SHISAL2A: variants seen among roughly 807,000 people sequenced by gnomAD.
SHISAL2A encodes protein shisa-like-2A.
A neutral mutation model predicts 11.5 loss-of-function variants in SHISAL2A; 18 were observed. That is an observed-to-expected ratio of 1.57 (90% confidence interval 1.08 to 2.33). The LOEUF (loss-of-function observed/expected upper bound fraction) is 2.33. SHISAL2A is among the 30% of genes most tolerant of loss of function. SHISAL2A has a pLI of 0.00. For missense variants in SHISAL2A, 261 were observed against 250.9 expected (o/e 1.04, Z -0.27); for synonymous variants, 94 against 99.6 (o/e 0.94, Z 0.34).
intron 2 of SHISAL2A, among the ~76,000 whole-genome samples, chr1:52,644,832 G>A (rs1016345415): frequency 2.6e-5 from 4 of 151,756 alleles, no homozygotes; most frequent in Non-Finnish European, 4.4e-5. Context: ...CCTGGCTAAT[G>A]CGGTGAAAAC....
At chr1:52,660,536 C>G (rs189340109), downstream of SHISAL2A, among the ~76,000 whole-genome samples, 5 of 152,290 alleles carry the variant, frequency 3.3e-5, 1 homozygote, top group East Asian at 9.6e-4. Flanking sequence ...CATCGACCGG[C>G]AATTATTTCT....
chr1:52,646,386 A>G (rs895909020), intron 2 of SHISAL2A, among the ~76,000 whole-genome samples: 3 of 152,154 alleles, frequency 2.0e-5, no homozygotes, highest in African/African-American at 7.2e-5. Flanking sequence ...AATAAAGGAA[A>G]AGATTGGCAA....
intron 2 of SHISAL2A, among the ~76,000 whole-genome samples, chr1:52,652,965 CAAAAAAAAAAAAAAAAA>C (rs36154490): frequency 7.9e-3 from 178 of 22,400 alleles, no homozygotes; most frequent in African/African-American, 0.036. Flanking sequence ...GACTCTGTCT[CAAAAAAAAAAAAAAAAA>C]AAAAAAAAAA....
At chr1:52,643,077 G>A in intron 2 of SHISAL2A, 75 bp downstream of exon 2, 1 of 1,471,202 alleles carries the variant, frequency 6.8e-7, no homozygotes, top group South Asian at 1.2e-5. Flanking sequence ...ATGTAGAAAT[G>A]ATGTTTGGAA....
intron 4 of SHISAL2A, among the ~76,000 whole-genome samples, chr1:52,664,572 G>A (rs1160507876): frequency 6.6e-6 from 1 of 152,070 alleles, no homozygotes; most frequent in Non-Finnish European, 1.5e-5. Context: ...TGGTCAGGCT[G>A]GTCTCAAACT....
intron 4 of SHISAL2A, among the ~76,000 whole-genome samples, chr1:52,666,750 T>G (rs781012643): frequency 1.3e-5 from 2 of 151,782 alleles, no homozygotes; most frequent in African/African-American, 2.4e-5. Context: ...GCAAAAAGGG[T>G]CTTTACTGGA....
rs762333098 is a variant in SHISAL2A at position 52,656,813 on chromosome 1, T to C, written c.346T>C (p.Cys116Arg). 1.2e-6 allele frequency: 2 copies of C among 1,612,342 alleles called. No individual in the cohort carries two copies. Among genetic ancestry groups the C allele is most frequent in the Non-Finnish European group, 1.7e-6 (2 of 1,178,854 alleles). ...AGGCCCTGAGGAGGTTTCTCCTGACTGCCAAGGTGTGAACACAGGCATGGC... is the reference window on the plus strand; with the variant it reads ...AGGCCCTGAGGAGGTTTCTCCTGACCGCCAAGGTGTGAACACAGGCATGGC... The part of the protein sequence containing the change: ...TAGPEEVSPD[C>R]QGVNTGMAAE... Residue 116 changes from cysteine to arginine, a missense_variant, in exon 3 of 3, where the codon TGC becomes CGC. Physicochemically the swap from Cys to Arg is radical, Grantham distance 180. Transcript: ENST00000517870.
At chr1:52,659,719 G>A (rs1050212373), downstream of SHISAL2A, 5 of 152,262 alleles carry the variant, frequency 3.3e-5, no homozygotes, top group African/African-American at 1.2e-4. Flanking sequence ...GTGGGGCTGG[G>A]TGATATTGGG....
Position 52,633,227 on chromosome 1 carries a change from G to A in SHISAL2A, c.-267G>A, listed in dbSNP as rs1691165111. 1 of 294,046 alleles carries A rather than the reference G, an allele frequency of 3.4e-6. No homozygotes were observed. Among genetic ancestry groups the A allele is most frequent in the Non-Finnish European group, 6.2e-6 (1 of 160,662 alleles). 18.2% of individuals were successfully genotyped at this position (294,046 alleles called of 1,614,324 possible). ...CCCCGCGTCCGCTCCGGCTCCTGCC[G>A]CGTTCCAGCAGCCGTCACTCCCGCC... On this transcript the variant is annotated 5_prime_UTR_variant, in exon 1 of 3. Coordinates refer to ENST00000517870, the MANE Select transcript of SHISAL2A (RefSeq NM_001042693.3). The surrounding 1 kb of genome is among the most constrained non-coding windows in gnomAD (Gnocchi z 6.4).
downstream of SHISAL2A, among the ~76,000 whole-genome samples, chr1:52,660,310 C>G (rs138347697): frequency 1.5e-3 from 221 of 152,208 alleles, 3 homozygotes; most frequent in Admixed American, 2.5e-3. Context: ...CCTCATAAAG[C>G]CCCTCCCTGC....
At chr1:52,666,310 G>C (rs1692012942) in intron 4 of SHISAL2A, among the ~76,000 whole-genome samples, 1 of 152,040 alleles carries the variant, frequency 6.6e-6, no homozygotes, top group African/African-American at 2.4e-5. Context: ...AAATTAGCTG[G>C]GCGTGGTGGC....
At chr1:52,640,711 A>ATT (rs1691345727) in intron 1 of SHISAL2A, among the ~76,000 whole-genome samples, 1 of 151,978 alleles carries the variant, frequency 6.6e-6, no homozygotes, top group African/African-American at 2.4e-5. Context: ...TAGGAGCATC[A>ATT]TTTGTTCTAA....
At position 52,650,683 on chromosome 1, in the gene SHISAL2A, T is replaced by C. The variant is rs185213866; in HGVS notation, c.323-6107T>C. Among the ~76,000 whole-genome samples, 678 of 149,522 alleles carry C rather than the reference T, an allele frequency of 4.5e-3. 2 individuals carry two copies. The highest frequency in any genetic ancestry group is 0.014 in the Middle Eastern group (4 of 292). On this transcript the variant is annotated intron_variant, in intron 2 of 2. Coordinates refer to ENST00000517870, the MANE Select transcript of SHISAL2A (RefSeq NM_001042693.3). ...TTTTTGAGACAGAATCTCCCTCTGTTACCCAGGCTGGAGTGCAGTGGTGTG... is the reference window on the plus strand; with the variant it reads ...TTTTTGAGACAGAATCTCCCTCTGTCACCCAGGCTGGAGTGCAGTGGTGTG...
At chr1:52,639,207 A>G (rs966317556) in intron 1 of SHISAL2A, among the ~76,000 whole-genome samples, 7 of 152,034 alleles carry the variant, frequency 4.6e-5, no homozygotes, top group Admixed American at 3.9e-4. Context: ...AACTTTGGCT[A>G]GAGTATCAGA....
downstream of SHISAL2A, among the ~76,000 whole-genome samples, chr1:52,661,249 C>G (rs919511485): frequency 2.0e-5 from 3 of 152,208 alleles, no homozygotes; most frequent in African/African-American, 4.8e-5. Flanking sequence ...CTCGACAACA[C>G]CTTTTGTGAG....
chr1:52,654,680 C>CT (rs1444146288), intron 2 of SHISAL2A, among the ~76,000 whole-genome samples: 4 of 152,254 alleles, frequency 2.6e-5, no homozygotes, highest in Non-Finnish European at 4.4e-5. Context: ...CCAAAAAACT[C>CT]TAACACTTTT....
At chr1:52,640,977 C>T (rs1310972896) in intron 1 of SHISAL2A, among the ~76,000 whole-genome samples, 1 of 152,216 alleles carries the variant, frequency 6.6e-6, no homozygotes, top group Non-Finnish European at 1.5e-5. Flanking sequence ...ATCAATCATG[C>T]CTATGTAATG....
At chr1:52,648,093 CAT>C (rs965159767) in intron 2 of SHISAL2A, among the ~76,000 whole-genome samples, 38 of 147,120 alleles carry the variant, frequency 2.6e-4, no homozygotes, top group African/African-American at 7.9e-4. Context: ...TATATATTAA[CAT>C]ATCTAATATA....
intron 2 of SHISAL2A, among the ~76,000 whole-genome samples, chr1:52,654,688 T>C (rs1267987234): frequency 6.6e-6 from 1 of 152,178 alleles, no homozygotes; most frequent in Non-Finnish European, 1.5e-5. Context: ...CTCTAACACT[T>C]TTAGAAGAAA....
Sources: allele counts gnomAD v4.1 joint callset (sites outside exome capture counted in the v4.1 genomes callset), GRCh38; gene constraint gnomAD v4.1.1; non-coding constraint Gnocchi (gnomAD v3.1); transcripts MANE v1.5; gene names NCBI Gene and HGNC (gene_info 2026-07-23, HGNC 2026-07-21).